Variants in CACNA1D observed in about 807,000 individuals in gnomAD.
CACNA1D encodes the protein voltage-dependent L-type calcium channel subunit alpha-1D.
A neutral mutation model predicts 257.1 loss-of-function variants in CACNA1D; 55 were observed. That is an observed-to-expected ratio of 0.21 (90% CI 0.17 to 0.27). The LOEUF (loss-of-function observed/expected upper bound fraction) is 0.27, where lower values mean the gene tolerates loss of function less well. Ranked by LOEUF, CACNA1D falls within the 10% of genes least tolerant of loss-of-function variation. The probability of loss-of-function intolerance (pLI) is 1.00; values close to 1 mark genes in which losing one functional copy is unlikely to be tolerated. For missense variants in CACNA1D, 1,876 were observed against 2,784.0 expected (o/e 0.67, Z 7.34); for synonymous variants, 980 against 1,014.9 (o/e 0.97, Z 0.65).
At chr3:53,742,660 G>A (rs926651305) in intron 21 of CACNA1D, among the ~76,000 whole-genome samples, 2 of 152,354 alleles carry the variant, frequency 1.3e-5, no homozygotes, top group Non-Finnish European at 2.9e-5. Context: ...CACTTTGTGG[G>A]GAAGTGGGCT....
At chr3:53,633,009 C>T (rs1055624635) in intron 3 of CACNA1D, among the ~76,000 whole-genome samples, 1 of 152,158 alleles carries the variant, frequency 6.6e-6, no homozygotes, top group Non-Finnish European at 1.5e-5. Flanking sequence ...TACCAATAGA[C>T]CCGCTTGTTG....
At chr3:53,684,562 G>A (rs1011810062) in intron 8 of CACNA1D, among the ~76,000 whole-genome samples, 3 of 148,750 alleles carry the variant, frequency 2.0e-5, no homozygotes, top group Non-Finnish European at 4.4e-5. Flanking sequence ...GGTGGAGGTC[G>A]TGGTGAGCTG....
chr3:53,504,850 G>A (rs1387376537), intron 3 of CACNA1D, among the ~76,000 whole-genome samples: 2 of 152,170 alleles, frequency 1.3e-5, no homozygotes, highest in Non-Finnish European at 2.9e-5. Context: ...TTGAGTCTGT[G>A]TAATCTGTTC....
chr3:53,784,884 A>G lies in CACNA1D; in HGVS notation c.4793-1938A>G, dbSNP rs535364022. ...AGACGGCCATCTCTGGAGAGGTGGTATGAAGGATAGGATCCCAGACTCAAG... is the reference window on the plus strand; with the variant it reads ...AGACGGCCATCTCTGGAGAGGTGGTGTGAAGGATAGGATCCCAGACTCAAG... On this transcript the variant is annotated intron_variant, in intron 39 of 47. Transcript: ENST00000350061. Among the ~76,000 whole-genome samples the G allele has an allele frequency of 1.2e-3, 178 of 152,292 alleles. 1 individual carries two copies. Among genetic ancestry groups the G allele is most frequent in the African/African-American group, 4.2e-3 (173 of 41,570 alleles).
At chr3:53,722,500 TG>T in intron 12 of CACNA1D, 26 bp downstream of exon 12, 2 of 1,612,470 alleles carry the variant, frequency 1.2e-6, no homozygotes, top group Non-Finnish European at 1.7e-6. Flanking sequence ...ATTCCTTTTT[TG>T]TTCTGAACTA....
At chr3:53,513,407 C>T (rs528682405) in intron 3 of CACNA1D, among the ~76,000 whole-genome samples, 5 of 152,186 alleles carry the variant, frequency 3.3e-5, no homozygotes, top group African/African-American at 9.6e-5. Flanking sequence ...TTTGGGAGGA[C>T]GAGGTGGGCA....
chr3:53,792,810 C>T (rs569390933), intron 40 of CACNA1D, among the ~76,000 whole-genome samples: 30 of 152,246 alleles, frequency 2.0e-4, no homozygotes, highest in Middle Eastern at 3.4e-3. Flanking sequence ...CTCACTGTAC[C>T]GAGAGGTCTA....
At chr3:53,790,392 C>G (rs778140941) in intron 40 of CACNA1D, among the ~76,000 whole-genome samples, 32 of 152,228 alleles carry the variant, frequency 2.1e-4, no homozygotes, top group Non-Finnish European at 2.9e-5. Context: ...AAGTTTTGTT[C>G]ATTTCTCTTT....
In CACNA1D at chr3:53,636,044, A is replaced by G. The variant is rs150592801; in HGVS notation, c.484-14735A>G. On this transcript the variant is annotated intron_variant, in intron 3 of 47. Coordinates refer to ENST00000350061, the MANE Select transcript of CACNA1D (RefSeq NM_001128840.3). ...GCTTCTTGGGTGTCTGGCTCTGCAT[A>G]CAGTTAGAAGCTCTTTAAATACCTT... Among the ~76,000 whole-genome samples the G allele has an allele frequency of 1.3e-3, 196 of 152,314 alleles. 2 individuals are homozygous for G. Among genetic ancestry groups the G allele is most frequent in the African/African-American group, 4.6e-3 (193 of 41,562 alleles).
At chr3:53,611,631 C>T (rs1349594836) in intron 3 of CACNA1D, among the ~76,000 whole-genome samples, 3 of 152,178 alleles carry the variant, frequency 2.0e-5, no homozygotes, top group African/African-American at 7.2e-5. Flanking sequence ...CCCAGAACTT[C>T]GATTACATGT....
chr3:53,615,253 C>G (rs2093624992), intron 3 of CACNA1D, among the ~76,000 whole-genome samples: 1 of 152,186 alleles, frequency 6.6e-6, no homozygotes, highest in African/African-American at 2.4e-5. Context: ...TTCAGTTCTC[C>G]TGCCTGGTTT....
chr3:53,669,833 G>T (rs1206519991), intron 7 of CACNA1D, among the ~76,000 whole-genome samples: 2 of 152,180 alleles, frequency 1.3e-5, no homozygotes, highest in African/African-American at 4.8e-5. Context: ...GAGGCAGTAG[G>T]GTGTAGGGCA....
chr3:53,533,338 G>A (rs572980440), intron 3 of CACNA1D, among the ~76,000 whole-genome samples: 3 of 152,216 alleles, frequency 2.0e-5, no homozygotes, highest in Non-Finnish European at 4.4e-5. Flanking sequence ...TAAAAATCGC[G>A]TATGTGGGAG....
intron 3 of CACNA1D, among the ~76,000 whole-genome samples, chr3:53,581,805 C>T (rs561551591): frequency 2.1e-4 from 32 of 152,294 alleles, no homozygotes; most frequent in African/African-American, 7.7e-4. Context: ...TTAAGAGGCA[C>T]ATGCAAGAAG....
chr3:53,527,733 G>C (rs996832743), intron 3 of CACNA1D, among the ~76,000 whole-genome samples: 3 of 152,176 alleles, frequency 2.0e-5, no homozygotes, highest in African/African-American at 4.8e-5. Context: ...AGTACTGGAT[G>C]ATAATTATGG....
At chr3:53,742,607 A>G (rs2095128834) in intron 21 of CACNA1D, among the ~76,000 whole-genome samples, 1 of 152,228 alleles carries the variant, frequency 6.6e-6, no homozygotes, top group Non-Finnish European at 1.5e-5. Flanking sequence ...GCTTAATTGA[A>G]ACAAGGTAGG....
intron 19 of CACNA1D, among the ~76,000 whole-genome samples, chr3:53,733,779 A>G (rs1318377885): frequency 6.6e-6 from 1 of 151,906 alleles, no homozygotes; most frequent in Non-Finnish European, 1.5e-5. Context: ...AGGGAGACAC[A>G]GGTGGGAAGC....
intron 45 of CACNA1D, among the ~76,000 whole-genome samples, chr3:53,806,840 T>G (rs1238860709): frequency 6.6e-6 from 1 of 151,986 alleles, no homozygotes; most frequent in African/African-American, 2.4e-5. Context: ...AAATACTAGA[T>G]GAAGCAGATG....
chr3:53,784,295 C>A (rs886337680), intron 39 of CACNA1D, among the ~76,000 whole-genome samples: 9 of 152,234 alleles, frequency 5.9e-5, no homozygotes, highest in Non-Finnish European at 1.0e-4. Context: ...CTCCTCCATC[C>A]ATGACCTGGA....
Sources: gnomAD v4.1 joint callset for allele counts (sites outside exome capture counted in the v4.1 genomes callset) on GRCh38, gnomAD v4.1.1 for gene constraint, MANE v1.5 for transcripts, NCBI Gene and HGNC (gene_info 2026-07-23, HGNC 2026-07-21) for gene names.